The following LRP6 variants were observed in gnomAD, a reference collection of about 807,000 sequenced individuals.
LRP6 encodes the protein low-density lipoprotein receptor-related protein 6.
In LRP6, 43 loss-of-function variants were observed where a neutral mutation model predicts 184.1. The ratio of observed to expected loss-of-function variants is 0.23; its 90% CI spans 0.18 to 0.30. The LOEUF is 0.30. Ranked by LOEUF, LRP6 falls within the 10% of genes least tolerant of loss-of-function variation. The pLI is 1.00. For missense variants in LRP6, 1,571 were observed against 2,005.3 expected (o/e 0.78, Z 4.14); for synonymous variants, 719 against 684.9 (o/e 1.05, Z -0.78).
intron 7 of LRP6, among the ~76,000 whole-genome samples, chr12:12,166,486 T>G (rs968616096): frequency 6.6e-6 from 1 of 152,258 alleles, no homozygotes; most frequent in Non-Finnish European, 1.5e-5. Flanking sequence ...CTTATAAGTT[T>G]GTGGTATGTT....
At chr12:12,217,077 C>T (rs1337255237) in intron 2 of LRP6, among the ~76,000 whole-genome samples, 1 of 152,162 alleles carries the variant, frequency 6.6e-6, no homozygotes, top group Non-Finnish European at 1.5e-5. Flanking sequence ...AAGCCAGAGA[C>T]CACTACCAGT....
At chr12:12,202,662 G>A (rs1863947164) in intron 3 of LRP6, among the ~76,000 whole-genome samples, 1 of 152,224 alleles carries the variant, frequency 6.6e-6, no homozygotes, top group South Asian at 2.1e-4. Flanking sequence ...GAGATCATAA[G>A]CCTAAAATAT....
At chr12:12,236,889 CT>C (rs1864943266) in intron 2 of LRP6, among the ~76,000 whole-genome samples, 1 of 151,604 alleles carries the variant, frequency 6.6e-6, no homozygotes, top group Non-Finnish European at 1.5e-5. Flanking sequence ...AACCCAGAAG[CT>C]CTCCAAACCC....
chr12:12,237,797 T>A (rs1864962290), intron 2 of LRP6, among the ~76,000 whole-genome samples: 1 of 152,100 alleles, frequency 6.6e-6, no homozygotes, highest in African/African-American at 2.4e-5. Flanking sequence ...TACCAAAACA[T>A]CTCAGATTAG....
chr12:12,179,112 A>G (rs1459198728), intron 7 of LRP6, among the ~76,000 whole-genome samples: 5 of 152,164 alleles, frequency 3.3e-5, no homozygotes, highest in African/African-American at 1.2e-4. Context: ...TAGACTTAAC[A>G]CCAATATCAG....
intron 7 of LRP6, among the ~76,000 whole-genome samples, chr12:12,169,469 T>C (rs183240414): frequency 6.6e-6 from 1 of 152,240 alleles, no homozygotes; most frequent in African/African-American, 2.4e-5. Flanking sequence ...TCAGTGTTAA[T>C]ACTGCTCTAG....
At chr12:12,209,820 T>TA (rs1565653268) in intron 2 of LRP6, among the ~76,000 whole-genome samples, 1 of 152,162 alleles carries the variant, frequency 6.6e-6, no homozygotes, top group Non-Finnish European at 1.5e-5. Context: ...CTATTGCCCT[T>TA]ACGAAATTCG....
intron 3 of LRP6, among the ~76,000 whole-genome samples, chr12:12,196,003 T>C (rs1863747106): frequency 6.6e-6 from 1 of 152,194 alleles, no homozygotes; most frequent in African/African-American, 2.4e-5. Flanking sequence ...TGGCTATAGA[T>C]GCATGGATTA....
intron 2 of LRP6, among the ~76,000 whole-genome samples, chr12:12,242,836 C>A (rs533162549): frequency 6.6e-6 from 1 of 152,308 alleles, no homozygotes; most frequent in South Asian, 2.1e-4. Context: ...TAATCCTTTA[C>A]AGTCAAATCA....
At chr12:12,198,360 C>T (rs58682800) in intron 3 of LRP6, among the ~76,000 whole-genome samples, 10,622 of 152,062 alleles carry the variant, frequency 0.07, 439 homozygotes, top group Admixed American at 0.099. Context: ...TCTCTCAAAT[C>T]ATCTTTTGTC....
chr12:12,127,059 T>C (rs1949682512), intron 19 of LRP6, 138 bp from the exon 20 acceptor site: 1 of 741,440 alleles, frequency 1.3e-6, no homozygotes, highest in Non-Finnish European at 2.4e-6. Context: ...TTCTTTTTTA[T>C]GAGTACATAC....
chr12:12,160,321 A>G lies in LRP6; in HGVS notation c.2280-357T>C, dbSNP rs1862709242. ...AAGCTCTGGTCTCAGAATCTGGTTC[A>G]CTTCTGAGTAAAATATTTTTATATA... On this transcript the variant is annotated intron_variant, in intron 10 of 22. Coordinates refer to ENST00000261349, the MANE Select transcript of LRP6 (RefSeq NM_002336.3). Among the ~76,000 whole-genome samples, 2 of 152,238 alleles carry G rather than the reference A, an allele frequency of 1.3e-5. 1 individual carries two copies. The highest frequency in any genetic ancestry group is 2.9e-5 in the Non-Finnish European group (2 of 68,046).
chr12:12,126,566 A>G (rs985243572), intron 20 of LRP6, 125 bp downstream of exon 20: 1 of 777,416 alleles, frequency 1.3e-6, no homozygotes, highest in Admixed American at 2.0e-5. Context: ...GTTTGTCCTT[A>G]TAATTGTTTA....
intron 1 of LRP6, among the ~76,000 whole-genome samples, chr12:12,250,930 T>C (rs546315583): frequency 9.5e-4 from 141 of 149,024 alleles, no homozygotes; most frequent in African/African-American, 3.4e-3. Flanking sequence ...CTTGATTTTT[T>C]TCTTCTTCTT....
At chr12:12,245,259 C>T (rs1865156847) in intron 1 of LRP6, among the ~76,000 whole-genome samples, 1 of 152,152 alleles carries the variant, frequency 6.6e-6, no homozygotes, top group South Asian at 2.1e-4. Context: ...AAATAATGAA[C>T]CCTTTGTACA....
rs184954297 is a variant in LRP6 at position 12,193,904 on chromosome 12, G to A, written c.648-6785C>T. 1.4e-3 allele frequency among the ~76,000 whole-genome samples: 218 copies of A among 151,932 alleles called. 1 individual carries two copies. The highest frequency in any genetic ancestry group is 5.1e-3 in the African/African-American group (212 of 41,470). ...AATAAACACAAGAAAAACAGACTAC[G>A]GATTAATATCCTTCACTATTAAAGA... On this transcript the variant is annotated intron_variant, in intron 3 of 22. Transcript: ENST00000261349.
rs1863256974 is a variant in LRP6 at position 12,178,725 on chromosome 12, G to C, written c.1545+1085C>G. The stretch of plus-strand genomic sequence containing the variant: ...GTGGGAGGCAGTGAAATACTAACAG[G>C]GAGAAAATTTATGGAGTCTATGCAA... On this transcript the variant is annotated intron_variant, in intron 7 of 22. Transcript: ENST00000261349. Among the ~76,000 whole-genome samples the C allele has an allele frequency of 1.3e-5, 2 of 152,054 alleles. 1 individual carries two copies. Among genetic ancestry groups the C allele is most frequent in the South Asian group, 4.1e-4 (2 of 4,822 alleles).
intron 2 of LRP6, among the ~76,000 whole-genome samples, chr12:12,240,175 T>A (rs1262098861): frequency 6.6e-6 from 1 of 152,194 alleles, no homozygotes. Context: ...ACATCACTCT[T>A]ATTTTTTAGA....
rs1001952773 is a variant in LRP6 at position 12,266,858 on chromosome 12, G to A, written c.-123C>T. On this transcript the variant is annotated 5_prime_UTR_variant, in exon 1 of 23. Coordinates refer to ENST00000261349, the MANE Select transcript of LRP6 (RefSeq NM_002336.3). ...CTCATACTTCCCAGCTTCCCAGCGA[G>A]AGAAGAAAGAAAGGGGCACGTCAAG... 3 of 843,330 alleles carry A rather than the reference G, an allele frequency of 3.6e-6. No individual in the cohort carries two copies. The highest frequency in any genetic ancestry group is 1.7e-5 in the African/African-American group (1 of 59,036). The allele number at this position is 843,330 out of a possible 1,614,324, so 52.2% of individuals were successfully genotyped here. A position where few individuals can be genotyped will look rare whatever the true frequency, so the allele number is the denominator to read the frequency against.
Sources: gnomAD v4.1 joint callset for allele counts (sites outside exome capture counted in the v4.1 genomes callset) on GRCh38, gnomAD v4.1.1 for gene constraint, MANE v1.5 for transcripts, NCBI Gene and HGNC (gene_info 2026-07-23, HGNC 2026-07-21) for gene names.